The following NRG4 variants were observed in gnomAD, a reference collection of about 807,000 sequenced individuals.
NRG4 encodes the protein neuregulin 4, also known as pro-neuregulin-4, membrane-bound isoform.
NRG4 carries 10 observed loss-of-function variants against 15.0 expected under a neutral mutation model. The observed-to-expected ratio is 0.67, with a 90% confidence interval of 0.41 to 1.13. The LOEUF (loss-of-function observed/expected upper bound fraction) is 1.13. Ranked by LOEUF, NRG4 falls within the 50% of genes most tolerant of loss-of-function variation. NRG4 has a pLI of 0.00. For synonymous variants in NRG4, 41 were observed against 50.1 expected (o/e 0.82, Z 0.77); for missense variants, 139 against 140.2 (o/e 0.99, Z 0.04).
chr15:76,018,403 G>A (rs980878957), intron 5 of NRG4, among the ~76,000 whole-genome samples: 4 of 152,132 alleles, frequency 2.6e-5, no homozygotes, highest in Non-Finnish European at 4.4e-5. Flanking sequence ...GAGTAGAAGA[G>A]GCGTTCTGGG....
At position 75,943,740 on chromosome 15, in the gene NRG4, T is replaced by C. The variant is rs2031237640; in HGVS notation, c.332-86A>G. The C allele has an allele frequency of 4.7e-6, 4 of 851,768 alleles. No homozygotes were observed. In the South Asian group the frequency reaches 6.0e-5, roughly 13 times the overall value. The allele number at this position is 851,768 out of a possible 1,614,324, so 52.8% of individuals were successfully genotyped here. On this transcript the variant is annotated intron_variant, in intron 5 of 5. Transcript: ENST00000394907. The stretch of plus-strand genomic sequence containing the variant: ...ACCTATCTACATGTCTCTTATCTTC[T>C]TCACATATATAAGCCAACCCCTTCT...
chr15:76,023,235 C>T (rs976457649), intron 5 of NRG4, among the ~76,000 whole-genome samples: 2 of 150,248 alleles, frequency 1.3e-5, no homozygotes, highest in Non-Finnish European at 3.0e-5. Context: ...TGGAGTGTTG[C>T]CCAGAGAGTG....
intron 3 of NRG4, among the ~76,000 whole-genome samples, chr15:75,986,794 CA>C (rs2033815958): frequency 6.6e-6 from 1 of 151,850 alleles, no homozygotes; most frequent in Non-Finnish European, 1.5e-5. Flanking sequence ...ATCTTGGAGG[CA>C]AAAATCAGAT....
intron 2 of NRG4, among the ~76,000 whole-genome samples, chr15:76,056,161 T>C (rs546245822): frequency 2.8e-4 from 43 of 152,238 alleles, no homozygotes; most frequent in African/African-American, 1.0e-3. Flanking sequence ...AAAAAACGAT[T>C]TAGCGGCCGG....
At chr15:75,946,958 G>T (rs946820216) in intron 5 of NRG4, among the ~76,000 whole-genome samples, 1 of 152,130 alleles carries the variant, frequency 6.6e-6, no homozygotes, top group Admixed American at 6.5e-5. Flanking sequence ...CCACTGATGG[G>T]TATTTGGGTT....
intron 4 of NRG4, among the ~76,000 whole-genome samples, chr15:76,050,859 G>A (rs561390842): frequency 6.1e-5 from 9 of 148,712 alleles, no homozygotes; most frequent in East Asian, 5.8e-4. Context: ...AGACTGTGGC[G>A]CAATGGTTTG....
At chr15:75,991,295 TTAATTA>T (rs1478891652) in intron 3 of NRG4, among the ~76,000 whole-genome samples, 1 of 152,160 alleles carries the variant, frequency 6.6e-6, no homozygotes, top group African/African-American at 2.4e-5. Flanking sequence ...CTATAGAATT[TTAATTA>T]TAAACACTGA....
rs760236760 is a variant in NRG4 at position 75,961,418 on chromosome 15, C to G, written c.251+410G>C. 2.0e-5 allele frequency among the ~76,000 whole-genome samples: 3 copies of G among 152,058 alleles called. 1 individual carries two copies. The highest frequency in any genetic ancestry group is 4.8e-5 in the African/African-American group (2 of 41,396). ...TCACTATTGTATTCTTTATGCCTAG[C>G]ACAATAGTGGGCACTAGATAGCTGA... On this transcript the variant is annotated intron_variant, in intron 4 of 5. Coordinates refer to ENST00000394907, the MANE Select transcript of NRG4 (RefSeq NM_138573.4).
intron 3 of NRG4, among the ~76,000 whole-genome samples, chr15:75,981,548 A>G (rs1447324167): frequency 3.9e-5 from 6 of 152,146 alleles, no homozygotes; most frequent in Admixed American, 2.0e-4. Context: ...TGGACCAAGC[A>G]GTAGGTGGAG....
At position 76,050,632 on chromosome 15, in the gene NRG4, G is replaced by C. The variant is rs774156831; in HGVS notation, c.-105+1435C>G. Among the ~76,000 whole-genome samples, 190 of 140,226 alleles carry C rather than the reference G, an allele frequency of 1.4e-3. 7 individuals are homozygous for C. Among genetic ancestry groups the C allele is most frequent in the South Asian group, 7.8e-3 (35 of 4,490 alleles). The allele number at this position is 140,226 out of a possible 152,430, so 92.0% of individuals were successfully genotyped here. On this transcript the variant is annotated intron_variant, in intron 4 of 8. Coordinates refer to the NRG4 transcript ENST00000563910. The stretch of plus-strand genomic sequence containing the variant: ...TTTTTTTTTTTTGTATTTTAGTAGA[G>C]GCGGGGTTTCACCATGTTGGCCAGG...
chr15:76,050,973 T>TTTTA (rs376329611), intron 4 of NRG4, among the ~76,000 whole-genome samples: 3,180 of 147,678 alleles, frequency 0.022, 164 homozygotes, highest in African/African-American at 0.049. Flanking sequence ...GCCTGCCTAT[T>TTTTA]TTTATTTATT....
At chr15:75,938,291 AAAAC>A (rs2030580795), downstream of NRG4, 2 of 152,334 alleles carry the variant, frequency 1.3e-5, no homozygotes, top group South Asian at 4.1e-4. Context: ...TAAAAATAAA[AAAAC>A]AATGAACCAG....
intron 3 of NRG4, among the ~76,000 whole-genome samples, chr15:75,997,353 C>T (rs1216057853): frequency 6.6e-6 from 1 of 151,820 alleles, no homozygotes; most frequent in African/African-American, 2.4e-5. Flanking sequence ...GTATTAAATA[C>T]CCCTATTTTT....
intron 3 of NRG4, among the ~76,000 whole-genome samples, chr15:76,008,396 C>G (rs1431609136): frequency 7.2e-5 from 11 of 152,100 alleles, no homozygotes. Context: ...CTTTTCTATC[C>G]TTTTATGTAG....
intron 3 of NRG4, among the ~76,000 whole-genome samples, chr15:75,999,750 T>C (rs2141888519): frequency 6.6e-6 from 1 of 152,272 alleles, no homozygotes; most frequent in East Asian, 1.9e-4. Flanking sequence ...ATAATCCAAA[T>C]AGAGACTTGG....
At position 76,005,281 on chromosome 15, in the gene NRG4, C is replaced by T. The variant is rs201980811; in HGVS notation, c.104+3919G>A. On this transcript the variant is annotated intron_variant, in intron 3 of 5. Coordinates refer to ENST00000394907, the MANE Select transcript of NRG4 (RefSeq NM_138573.4). ...CCTGTAGTCCCAGCTTCTTGGGAGG[C>T]TGAGGCAGGAGGATCACTTGAGCCC... Among the ~76,000 whole-genome samples, 23 of 151,000 alleles carry T rather than the reference C, an allele frequency of 1.5e-4. 1 individual carries two copies. In the East Asian group the frequency reaches 4.5e-3, roughly 30 times the overall value.
chr15:76,031,554 G>A (rs964259845), intron 5 of NRG4, among the ~76,000 whole-genome samples: 14 of 152,184 alleles, frequency 9.2e-5, no homozygotes, highest in African/African-American at 3.1e-4. Context: ...GCCAGGCATG[G>A]CAGCATGCTC....
At chr15:75,937,976 CA>C (rs1293610456), downstream of NRG4, 1 of 152,226 alleles carries the variant, frequency 6.6e-6, no homozygotes, top group Non-Finnish European at 1.5e-5. Flanking sequence ...GTTACATATA[CA>C]GGGGGGATTT....
chr15:76,008,872 G>C (rs2141906705), intron 3 of NRG4, among the ~76,000 whole-genome samples: 1 of 152,156 alleles, frequency 6.6e-6, no homozygotes, highest in African/African-American at 2.4e-5. Flanking sequence ...TTCCCTAGCT[G>C]TTTTGCCAGT....
Sources: allele counts gnomAD v4.1 joint callset (sites outside exome capture counted in the v4.1 genomes callset), GRCh38; gene constraint gnomAD v4.1.1; transcripts MANE v1.5; gene names NCBI Gene and HGNC (gene_info 2026-07-23, HGNC 2026-07-21).